The following ARMC5 variants were observed in gnomAD, a reference collection of about 807,000 sequenced individuals.
The protein encoded by ARMC5 is armadillo repeat containing 5, also known as armadillo repeat-containing protein 5.
ARMC5 carries 28 observed loss-of-function variants against 60.5 expected under a neutral mutation model. The ratio of observed to expected loss-of-function variants is 0.46; its 90% CI spans 0.34 to 0.63. ARMC5 has a LOEUF of 0.63. ARMC5 is among the 30% of genes least tolerant of loss of function. ARMC5 has a pLI of 0.01. For synonymous variants in ARMC5, 680 were observed against 607.3 expected, an observed-to-expected ratio of 1.12 and a Z score of -1.76; for missense variants, 1,189 against 1,304.9, an observed-to-expected ratio of 0.91 and a Z score of 1.37.
At chr16:31,458,491 C>G (rs1490757342), upstream of ARMC5, 4 of 1,535,756 alleles carry the variant, frequency 2.6e-6, no homozygotes, top group South Asian at 3.6e-5. Context: ...TCTGCCATAA[C>G]CCGGACAACG....
chr16:31,462,961 A>T lies in ARMC5; in HGVS notation c.1370+44A>T, dbSNP rs1395540157. On this transcript the variant is annotated intron_variant, in intron 3 of 5. Transcript: ENST00000268314. This position sits in a 1 kb window ranked among gnomAD's most constrained non-coding sequence, Gnocchi z 7.2. ...GCTTGGGAGGGTGAGCAGTGCAGTG[A>T]TGTGGGGTTTGTGTCTGTCTTGGTC... 6.8e-7 allele frequency: 1 copy of T among 1,476,840 alleles called. No individual in the cohort carries two copies. The allele number at this position is 1,476,840 out of a possible 1,614,324, so 91.5% of individuals were successfully genotyped here.
Position 31,459,548 on chromosome 16 carries a change from C to G in ARMC5, c.24C>G (p.Leu8=), listed in dbSNP as rs757910499. Reference sequence around the variant, plus strand: ...AGATGGCGGCTGCGAAGCCAACCCTCACGGACTCGCTCTCGTTCTGCCTCG... The same window carrying G: ...AGATGGCGGCTGCGAAGCCAACCCTGACGGACTCGCTCTCGTTCTGCCTCG... MAAAKPT[L]TDSLSFCLAQ... is the part of the protein sequence containing the mutation. Residue 8 remains leucine (L), a synonymous_variant, in exon 1 of 6, where the codon CTC becomes CTG. Transcript: ENST00000268314. 3 of 1,605,972 alleles carry G rather than the reference C, an allele frequency of 1.9e-6. No individual in the cohort carries two copies. Among genetic ancestry groups the G allele is most frequent in the South Asian group, 2.2e-5 (2 of 90,298 alleles).
At chr16:31,465,260 G>A in intron 4 of ARMC5, 1 of 1,527,176 alleles carries the variant, frequency 6.5e-7, no homozygotes, top group Non-Finnish European at 8.8e-7. Flanking sequence ...CCCCAGCACT[G>A]CCAGGGACTG....
In ARMC5 at chr16:31,459,734, A is replaced by G. The variant is rs1332221199; in HGVS notation, c.210A>G (p.Leu70=). The G allele has an allele frequency of 1.3e-6, 2 of 1,551,240 alleles. No individual in the cohort carries two copies. Among genetic ancestry groups the G allele is most frequent in the Non-Finnish European group, 8.6e-7 (1 of 1,159,882 alleles). ...RFRARGGLRP[L]LALLRRAAAA... is the part of the protein sequence containing the mutation. ...GGGCACGCGGCGGGCTCCGCCCCCT[A>G]CTCGCGCTGCTACGGCGAGCGGCTG... The change falls in exon 1 of 6, where the codon CTA becomes CTG. Residue 70 remains leucine (L), a synonymous_variant. Transcript: ENST00000268314.
At position 31,466,710 on chromosome 16, in the gene ARMC5, C is replaced by A; in HGVS notation, c.2629C>A (p.Arg877=). Reference sequence around the variant, plus strand: ...AGTGGGTGAGGTGTTCCGCCTGGGCCGGCCCCGGCTGGCTGCCCACTGTGC... The same window carrying A: ...AGTGGGTGAGGTGTTCCGCCTGGGCAGGCCCCGGCTGGCTGCCCACTGTGC... ...ESVGEVFRLG[R]PRLAAHCARW... The change falls in exon 6 of 6, where the codon CGG becomes AGG. Residue 877 remains arginine (R), a synonymous_variant. Transcript: ENST00000268314. This position sits in a 1 kb window ranked among gnomAD's most constrained non-coding sequence, Gnocchi z 8.0. 2 of 1,559,544 alleles carry A rather than the reference C, an allele frequency of 1.3e-6. No individual in the cohort carries two copies. Among genetic ancestry groups the A allele is most frequent in the Non-Finnish European group, 1.7e-6 (2 of 1,152,706 alleles).
upstream of ARMC5, chr16:31,459,210 C>A: frequency 6.5e-7 from 1 of 1,531,544 alleles, no homozygotes. Context: ...CTGGGCTGTT[C>A]GGAGGCCCTG....
intron 1 of ARMC5, among the ~76,000 whole-genome samples, chr16:31,460,699 C>T (rs1210735056): frequency 6.6e-6 from 1 of 152,190 alleles, no homozygotes; most frequent in Admixed American, 6.5e-5. Flanking sequence ...TGTGAATAGC[C>T]ACTGCATTCC....
Position 31,462,012 on chromosome 16 carries a change from G to A in ARMC5, c.566G>A (p.Gly189Glu). ...GNLAMEPESC[G>E]DIHCAGAVPL... is the part of the protein sequence containing the mutation. ...TTAGCCATGGAACCTGAGAGCTGTGGGGACATCCACTGTGCTGGTAAGAGG... is the reference window on the plus strand; with the variant it reads ...TTAGCCATGGAACCTGAGAGCTGTGAGGACATCCACTGTGCTGGTAAGAGG... Residue 189 changes from glycine to glutamate, a missense_variant, in exon 2 of 6, where the codon GGG (glycine) becomes GAG (glutamate). This residue lies in a region of ARMC5 where 862 missense variants were observed against 1,071.2 expected (regional missense o/e 0.80). Coordinates refer to ENST00000268314, the MANE Select transcript of ARMC5 (RefSeq NM_001105247.2). This position sits in a 1 kb window ranked among gnomAD's most constrained non-coding sequence, Gnocchi z 7.2. 3 of 1,614,188 alleles carry A rather than the reference G, an allele frequency of 1.9e-6. No individual in the cohort carries two copies. The highest frequency in any genetic ancestry group is 2.5e-6 in the Non-Finnish European group (3 of 1,180,018).
At position 31,459,667 on chromosome 16, in the gene ARMC5, G is replaced by C. The variant is rs765924062; in HGVS notation, c.143G>C (p.Arg48Pro). ...CTGAGCCGCGCGCTCCTAGCCCTCC[G>C]CACGCGCCACATCAAGGCAGCGGGG... ...TPLSRALLAL[R>P]TRHIKAAGGI... Residue 48 changes from arginine to proline, a missense_variant, in exon 1 of 6, where the codon CGC becomes CCC. By Grantham distance (103) the Arg-to-Pro change is moderately radical. Around this residue, in one of 2 missense-constraint regions of ARMC5, gnomAD observed 327 missense variants for 233.7 expected, o/e 1.40. Coordinates refer to ENST00000268314, the MANE Select transcript of ARMC5 (RefSeq NM_001105247.2). The C allele has an allele frequency of 6.3e-7, 1 of 1,581,946 alleles. No homozygotes were observed. Among genetic ancestry groups the C allele is most frequent in the Non-Finnish European group, 8.5e-7 (1 of 1,171,868 alleles).
chr16:31,459,403 G>C, upstream of ARMC5: 1 of 1,537,756 alleles, frequency 6.5e-7, no homozygotes, highest in South Asian at 1.2e-5. Context: ...CTTCCGACTT[G>C]CATCACTGCG....
At chr16:31,461,014 A>G (rs750051001) in intron 1 of ARMC5, among the ~76,000 whole-genome samples, 2 of 152,188 alleles carry the variant, frequency 1.3e-5, no homozygotes, top group South Asian at 2.1e-4. Context: ...TGGACCATAT[A>G]TGTTTGACAA....
chr16:31,459,702 C>A lies in ARMC5; in HGVS notation c.178C>A (p.Arg60Ser), dbSNP rs1276731925. ...RHIKAAGGIERFRARGGLRPL... is the reference protein window; with the variant it reads ...RHIKAAGGIESFRARGGLRPL... ...CATCAAGGCAGCGGGGGGAATCGAG[C>A]GCTTCCGGGCACGCGGCGGGCTCCG... The change falls in exon 1 of 6, where the codon CGC becomes AGC. Residue 60 changes from arginine to serine, a missense_variant. Coordinates refer to ENST00000268314, the MANE Select transcript of ARMC5 (RefSeq NM_001105247.2). The A allele has an allele frequency of 6.4e-7, 1 of 1,565,636 alleles. No homozygotes were observed. Among genetic ancestry groups the A allele is most frequent in the South Asian group, 1.1e-5 (1 of 87,078 alleles).
Position 31,464,696 on chromosome 16 carries a change from C to T in ARMC5, c.1673C>T (p.Ala558Val), listed in dbSNP as rs1336615629. 1 of 1,598,682 alleles carries T rather than the reference C, an allele frequency of 6.3e-7. No homozygotes were observed. The highest frequency in any genetic ancestry group is 1.1e-5 in the South Asian group (1 of 90,970). Reference sequence around the variant, plus strand: ...GGCCTGCTGACCTATGTGACCGGCGCACCGGGCCCGCCCAGCCCACGTGCA... The same window carrying T: ...GGCCTGCTGACCTATGTGACCGGCGTACCGGGCCCGCCCAGCCCACGTGCA... ...LYGLLTYVTG[A>V]PGPPSPRALR... is the part of the protein sequence containing the mutation. The change falls in exon 4 of 6, where the codon GCA (alanine) becomes GTA (valine). Residue 558 changes from alanine to valine, a missense_variant. Physicochemically the swap from Ala to Val is moderately conservative, Grantham distance 64. This residue lies in a region of ARMC5 where 862 missense variants were observed against 1,071.2 expected (regional missense o/e 0.80). Coordinates refer to ENST00000268314, the MANE Select transcript of ARMC5 (RefSeq NM_001105247.2). The surrounding 1 kb of genome is among the most constrained non-coding windows in gnomAD (Gnocchi z 7.6).
upstream of ARMC5, chr16:31,459,294 T>A (rs1418308984): frequency 6.5e-7 from 1 of 1,534,560 alleles, no homozygotes; most frequent in East Asian, 2.4e-5. Flanking sequence ...GCGGACCACA[T>A]CTCCCTCATG....
chr16:31,459,421 T>C (rs915959897), upstream of ARMC5: 1 of 1,539,528 alleles, frequency 6.5e-7, no homozygotes, highest in Non-Finnish European at 8.7e-7. Context: ...GCGGTGGCGC[T>C]AAACAGCGTC....
At chr16:31,463,479 C>T (rs1272400447) in intron 3 of ARMC5, among the ~76,000 whole-genome samples, 7 of 152,180 alleles carry the variant, frequency 4.6e-5, no homozygotes, top group East Asian at 3.8e-4. Context: ...GTGGGATATA[C>T]GCTGGTTAAG....
chr16:31,462,556 C>A lies in ARMC5; in HGVS notation c.1009C>A (p.Pro337Thr). The change falls in exon 3 of 6, where the codon CCT becomes ACT. Residue 337 changes from proline to threonine, a missense_variant. This residue lies in a region of ARMC5 where 862 missense variants were observed against 1,071.2 expected (regional missense o/e 0.80). Transcript: ENST00000268314. The surrounding 1 kb of genome is among the most constrained non-coding windows in gnomAD (Gnocchi z 7.2). Reference sequence around the variant, plus strand: ...AGATGAGCTCCGGCAGCGCCGGGATCCTAATGGAGCTAGCCCAACCTCCCA... The same window carrying A: ...AGATGAGCTCCGGCAGCGCCGGGATACTAATGGAGCTAGCCCAACCTCCCA... ...LVDELRQRRD[P>T]NGASPTSQQP... 1 of 1,611,394 alleles carries A rather than the reference C, an allele frequency of 6.2e-7. No individual in the cohort carries two copies. Among genetic ancestry groups the A allele is most frequent in the Non-Finnish European group, 8.5e-7 (1 of 1,179,834 alleles).
At chr16:31,460,549 A>C (rs1340550730) in intron 1 of ARMC5, among the ~76,000 whole-genome samples, 2 of 152,252 alleles carry the variant, frequency 1.3e-5, no homozygotes, top group Non-Finnish European at 2.9e-5. Context: ...TATTCTAAGC[A>C]TGATACGTAT....
intron 1 of ARMC5, 117 bp downstream of exon 1, chr16:31,460,116 C>T: frequency 1.8e-6 from 2 of 1,119,054 alleles, no homozygotes; most frequent in East Asian, 2.5e-5. Context: ...TTTGTGATGG[C>T]GCATCGCTCC....
Sources: allele counts gnomAD v4.1 joint callset (sites outside exome capture counted in the v4.1 genomes callset), GRCh38; gene constraint gnomAD v4.1.1; regional missense constraint gnomAD v4.1.1; non-coding constraint Gnocchi (gnomAD v3.1); transcripts MANE v1.5; gene names NCBI Gene and HGNC (gene_info 2026-07-23, HGNC 2026-07-21).